FRMD4B: variants seen among roughly 807,000 people sequenced by gnomAD.
FRMD4B encodes the protein FERM domain-containing protein 4B.
Under a neutral mutation model 141.5 loss-of-function variants are expected in FRMD4B, and 74 were observed. The observed-to-expected ratio is 0.52, with a 90% confidence interval of 0.43 to 0.63. The LOEUF (loss-of-function observed/expected upper bound fraction) is 0.63, where lower values mean the gene tolerates loss of function less well. FRMD4B is among the 30% of genes least tolerant of loss of function. The pLI, the probability that FRMD4B is intolerant of heterozygous loss-of-function variation, is 0.00. For synonymous variants in FRMD4B, 506 were observed against 467.9 expected (o/e 1.08, Z -1.05); for missense variants, 1,366 against 1,253.4 (o/e 1.09, Z -1.36).
rs372253238 is a variant in FRMD4B at position 69,278,098 on chromosome 3, C to T, written c.501+9654G>A. Among the ~76,000 whole-genome samples, 45 of 152,302 alleles carry T rather than the reference C, an allele frequency of 3.0e-4. No individual in the cohort carries two copies. In the South Asian group the frequency reaches 8.9e-3, roughly 30 times the overall value. ...CTCGAACTCCTGTCCTTGTGATCCG[C>T]CTGCCTTGGCCTCCCAAAGTGCTGG... On this transcript the variant is annotated intron_variant, in intron 5 of 22. Transcript: ENST00000398540.
At chr3:69,485,979 TTATAA>T (rs1706208619) in intron 1 of FRMD4B, among the ~76,000 whole-genome samples, 1 of 152,226 alleles carries the variant, frequency 6.6e-6, no homozygotes, top group Non-Finnish European at 1.5e-5. Context: ...TTCTAGAATA[TTATAA>T]TTACAGATGA....
intron 1 of FRMD4B, among the ~76,000 whole-genome samples, chr3:69,328,721 T>C (rs991683460): frequency 1.3e-5 from 2 of 152,176 alleles, no homozygotes; most frequent in Admixed American, 6.5e-5. Context: ...TGCAATTGCA[T>C]GCTTTAAGAC....
chr3:69,258,568 T>C (rs1559757772), intron 5 of FRMD4B, among the ~76,000 whole-genome samples: 1 of 152,246 alleles, frequency 6.6e-6, no homozygotes, highest in Non-Finnish European at 1.5e-5. Flanking sequence ...ATTTAAAAAT[T>C]ACTAACCAAT....
At chr3:69,451,441 A>G (rs1559531106) in intron 1 of FRMD4B, among the ~76,000 whole-genome samples, 1 of 152,208 alleles carries the variant, frequency 6.6e-6, no homozygotes, top group Non-Finnish European at 1.5e-5. Flanking sequence ...TTGATCAGCA[A>G]TGTCTGCAGT....
At chr3:69,325,082 A>AG (rs1372434808) in intron 1 of FRMD4B, among the ~76,000 whole-genome samples, 2,173 of 103,620 alleles carry the variant, frequency 0.021, 52 homozygotes, top group African/African-American at 0.092. Context: ...GTCTAAAAAA[A>AG]AAAAAAGAAA....
intron 2 of FRMD4B, among the ~76,000 whole-genome samples, chr3:69,402,457 T>C (rs781523260): frequency 2.6e-5 from 4 of 152,212 alleles, no homozygotes; most frequent in Non-Finnish European, 5.9e-5. Context: ...CTTTCCTTAT[T>C]ACCTTATTAA....
intron 1 of FRMD4B, among the ~76,000 whole-genome samples, chr3:69,332,802 G>T (rs1365670914): frequency 8.3e-6 from 1 of 120,822 alleles, no homozygotes; most frequent in Non-Finnish European, 1.6e-5. Flanking sequence ...TGCCCAGGCT[G>T]TTCTCAAACT....
intron 1 of FRMD4B, chr3:69,536,284 T>C: frequency 1.6e-6 from 1 of 625,824 alleles, no homozygotes; most frequent in Admixed American, 2.7e-5. Flanking sequence ...GGGGGCCATC[T>C]CCCTGGGCTG....
Position 69,540,637 on chromosome 3 carries a change from ATATAT to A in FRMD4B, c.-129+1564_-129+1568del, listed in dbSNP as rs1212402777. On this transcript the variant is annotated intron_variant, in intron 1 of 5. Transcript: ENST00000459638. Reference sequence around the variant, plus strand: ...CTAAAAAAAAAAAAAAAAAAAAAAAATATATATATATATATATATATATACACACA... The same window carrying A: ...CTAAAAAAAAAAAAAAAAAAAAAAAAATATATATATATATATATACACACA... 3.9e-4 allele frequency among the ~76,000 whole-genome samples: 20 copies of A among 51,184 alleles called. 1 individual carries two copies. Among genetic ancestry groups the A allele is most frequent in the East Asian group, 7.9e-4 (1 of 1,262 alleles). The allele number at this position is 51,184 out of a possible 152,430, so 33.6% of individuals were successfully genotyped here.
intron 1 of FRMD4B, among the ~76,000 whole-genome samples, chr3:69,314,770 G>C (rs1428824978): frequency 6.6e-6 from 1 of 152,146 alleles, no homozygotes; most frequent in Non-Finnish European, 1.5e-5. Flanking sequence ...GGGAGGTTGA[G>C]GTTGCAGTAA....
At chr3:69,409,642 A>G (rs897467816) in intron 2 of FRMD4B, among the ~76,000 whole-genome samples, 5 of 152,228 alleles carry the variant, frequency 3.3e-5, no homozygotes. Flanking sequence ...CCTAATTGGC[A>G]TAAACCAATT....
At chr3:69,489,402 G>A (rs1024922705) in intron 1 of FRMD4B, among the ~76,000 whole-genome samples, 1 of 150,972 alleles carries the variant, frequency 6.6e-6, no homozygotes, top group Non-Finnish European at 1.5e-5. Flanking sequence ...ATATATAAAT[G>A]AGCCAATCTA....
chr3:69,472,925 C>CT (rs796453101), intron 1 of FRMD4B, among the ~76,000 whole-genome samples: 3,540 of 90,578 alleles, frequency 0.039, 81 homozygotes, highest in East Asian at 0.1. Flanking sequence ...GTGAGTCTTT[C>CT]TTTTTTTTTT....
chr3:69,471,168 T>C (rs1705882609), intron 1 of FRMD4B, among the ~76,000 whole-genome samples: 1 of 152,142 alleles, frequency 6.6e-6, no homozygotes, highest in African/African-American at 2.4e-5. Flanking sequence ...GTTTGGTGAG[T>C]TTTTTTCAAA....
At chr3:69,496,637 AAGAGAGAGAGAGAGAG>A (rs1169584495) in intron 1 of FRMD4B, among the ~76,000 whole-genome samples, 1 of 56,474 alleles carries the variant, frequency 1.8e-5, no homozygotes. Flanking sequence ...GAGAGAGAGA[AAGAGAGAGAGAGAGAG>A]AGAGAGAGAG....
intron 7 of FRMD4B, among the ~76,000 whole-genome samples, chr3:69,238,786 AAAC>A (rs555199882): frequency 9.2e-4 from 140 of 152,264 alleles, no homozygotes; most frequent in African/African-American, 1.9e-3. Flanking sequence ...TCCTGCCTCA[AAAC>A]AACAACAACA....
intron 7 of FRMD4B, among the ~76,000 whole-genome samples, chr3:69,243,396 AAG>A (rs1300651076): frequency 6.6e-6 from 1 of 152,208 alleles, no homozygotes; most frequent in Non-Finnish European, 1.5e-5. Context: ...AGAAAAAATG[AAG>A]AGAGGCATGA....
At chr3:69,208,933 CAG>C (rs1281299751) in intron 11 of FRMD4B, among the ~76,000 whole-genome samples, 1 of 152,068 alleles carries the variant, frequency 6.6e-6, no homozygotes, top group Non-Finnish European at 1.5e-5. Flanking sequence ...ATCAGGAGGT[CAG>C]GGGTTCGAGG....
intron 1 of FRMD4B, among the ~76,000 whole-genome samples, chr3:69,452,039 A>G (rs1705509571): frequency 6.6e-6 from 1 of 152,266 alleles, no homozygotes; most frequent in Non-Finnish European, 1.5e-5. Flanking sequence ...AATATTGTTG[A>G]GACACTGAGT....
Sources: gnomAD v4.1 joint callset for allele counts (sites outside exome capture counted in the v4.1 genomes callset) on GRCh38, gnomAD v4.1.1 for gene constraint, MANE v1.5 for transcripts, NCBI Gene and HGNC (gene_info 2026-07-23, HGNC 2026-07-21) for gene names.